Variants in SPON1 observed in about 807,000 individuals in gnomAD.
The protein encoded by SPON1 is spondin-1.
SPON1 carries 52 observed loss-of-function variants against 111.7 expected under a neutral mutation model. The observed-to-expected ratio is 0.47, with a 90% confidence interval of 0.37 to 0.59. The LOEUF (loss-of-function observed/expected upper bound fraction) is 0.59, where lower values mean the gene tolerates loss of function less well. Ranked by LOEUF, SPON1 falls within the 20% of genes least tolerant of loss-of-function variation. The pLI, the probability that SPON1 is intolerant of heterozygous loss-of-function variation, is 0.00. For synonymous variants in SPON1, 410 were observed against 395.8 expected (o/e 1.04, Z -0.43); for missense variants, 957 against 1,068.5 (o/e 0.90, Z 1.46).
Position 14,259,681 on chromosome 11 carries a change from A to C in SPON1, c.1811A>C (p.Lys604Thr), listed in dbSNP as rs1554941711. 6.4e-7 allele frequency: 1 copy of C among 1,574,352 alleles called. No individual in the cohort carries two copies. The highest frequency in any genetic ancestry group is 1.9e-5 in the Admixed American group (1 of 54,018). The change falls in exon 13 of 16, where the codon AAG (lysine) becomes ACG (threonine). Residue 604 changes from lysine (K) to threonine (T), a missense_variant. By Grantham distance (78) the Lys-to-Thr change is moderately conservative (BLOSUM62 -1). Transcript: ENST00000576479. This position sits in a 1 kb window ranked among gnomAD's most constrained non-coding sequence, Gnocchi z 5.0. ...AAAGCCGAGACATCACAGGCAGAGA[A>C]GTGCATGATGCCAGAGTGCCGTGAG... ...MCKAETSQAE[K>T]CMMPECHTIP...
chr11:14,136,153 A>C (rs1847589436), intron 6 of SPON1, among the ~76,000 whole-genome samples: 1 of 152,208 alleles, frequency 6.6e-6, no homozygotes, highest in Non-Finnish European at 1.5e-5. Context: ...TTTGGCTGAC[A>C]GTGCCATCGT....
chr11:14,045,368 G>A (rs577321250), intron 3 of SPON1, among the ~76,000 whole-genome samples: 1 of 152,146 alleles, frequency 6.6e-6, no homozygotes, highest in African/African-American at 2.4e-5. Context: ...CCTGAGGTCG[G>A]GAGTTCGAGA....
intron 7 of SPON1, among the ~76,000 whole-genome samples, chr11:14,252,156 G>GTACA (rs1554940722): frequency 1.3e-5 from 2 of 152,234 alleles, no homozygotes; most frequent in Non-Finnish European, 2.9e-5. Flanking sequence ...AGGTCCTGGG[G>GTACA]TACAGCTATG....
chr11:14,146,524 A>C (rs1847721080), intron 6 of SPON1, among the ~76,000 whole-genome samples: 1 of 151,998 alleles, frequency 6.6e-6, no homozygotes, highest in Admixed American at 6.6e-5. Context: ...ATTCCCCCCA[A>C]AAAAAATACT....
At chr11:14,131,578 A>G (rs923270989) in intron 5 of SPON1, among the ~76,000 whole-genome samples, 5 of 152,202 alleles carry the variant, frequency 3.3e-5, no homozygotes, top group Non-Finnish European at 5.9e-5. Flanking sequence ...CTGTAATAAT[A>G]CTGAGAGCTT....
intron 3 of SPON1, among the ~76,000 whole-genome samples, chr11:14,052,539 A>C (rs145658328): frequency 1.3e-5 from 2 of 152,354 alleles, no homozygotes; most frequent in East Asian, 3.9e-4. Flanking sequence ...GCAAGGAGTC[A>C]ACAGAAAAGG....
intron 5 of SPON1, among the ~76,000 whole-genome samples, chr11:14,096,064 C>T (rs1189576875): frequency 6.6e-6 from 1 of 152,206 alleles, no homozygotes; most frequent in African/African-American, 2.4e-5. Context: ...GCACCCAACA[C>T]TTGTGTCGTC....
At chr11:14,252,801 G>T (rs1479773693) in intron 7 of SPON1, among the ~76,000 whole-genome samples, 1 of 152,246 alleles carries the variant, frequency 6.6e-6, no homozygotes, top group East Asian at 1.9e-4. Flanking sequence ...AAAGATGAGT[G>T]GGCCCAGCAT....
At chr11:14,140,858 A>C (rs1181042977) in intron 6 of SPON1, among the ~76,000 whole-genome samples, 1 of 151,876 alleles carries the variant, frequency 6.6e-6, no homozygotes, top group Non-Finnish European at 1.5e-5. Context: ...ATACGTCTGG[A>C]CCCTGCACTA....
chr11:14,227,017 A>G (rs577594985), intron 6 of SPON1, among the ~76,000 whole-genome samples: 3 of 152,196 alleles, frequency 2.0e-5, no homozygotes, highest in Admixed American at 6.5e-5. Flanking sequence ...CTGATAATCC[A>G]GGACAATCTC....
intron 5 of SPON1, among the ~76,000 whole-genome samples, chr11:14,128,444 T>C (rs1847488027): frequency 6.6e-6 from 1 of 152,226 alleles, no homozygotes; most frequent in African/African-American, 2.4e-5. Flanking sequence ...CTGTGTCTCA[T>C]ATCCAGGCCA....
At chr11:14,264,249 G>C (rs1849231195) in intron 15 of SPON1, among the ~76,000 whole-genome samples, 1 of 152,136 alleles carries the variant, frequency 6.6e-6, no homozygotes, top group African/African-American at 2.4e-5. Flanking sequence ...TTTGGGACCT[G>C]ATTCTGTAGG....
chr11:14,064,509 G>T (rs187308574), intron 3 of SPON1, among the ~76,000 whole-genome samples: 2 of 152,190 alleles, frequency 1.3e-5, no homozygotes, highest in African/African-American at 4.8e-5. Context: ...CTTGGGGAGG[G>T]GGGTATCAGA....
chr11:14,139,709 A>AATATATATAT (rs57464043), intron 6 of SPON1, among the ~76,000 whole-genome samples: 1,699 of 145,396 alleles, frequency 0.012, 25 homozygotes, highest in East Asian at 0.041. Flanking sequence ...AAACATGTAA[A>AATATATATAT]ATATATATAT....
chr11:14,217,139 C>T (rs1267574993), intron 6 of SPON1, among the ~76,000 whole-genome samples: 2 of 152,120 alleles, frequency 1.3e-5, no homozygotes, highest in Admixed American at 6.6e-5. Flanking sequence ...TTTTTCATCC[C>T]ACTCCAAAGC....
chr11:14,172,001 A>G (rs1215795949), intron 6 of SPON1, among the ~76,000 whole-genome samples: 6 of 152,188 alleles, frequency 3.9e-5, no homozygotes, highest in African/African-American at 1.2e-4. Flanking sequence ...GTAGATGTCT[A>G]TTAGGTCCAC....
chr11:14,106,283 T>G (rs192539426), intron 5 of SPON1, among the ~76,000 whole-genome samples: 1 of 152,302 alleles, frequency 6.6e-6, no homozygotes. Flanking sequence ...AACTTTTCCT[T>G]TGTATGAAAA....
chr11:14,203,701 C>T (rs1848486757), intron 6 of SPON1, among the ~76,000 whole-genome samples: 1 of 152,144 alleles, frequency 6.6e-6, no homozygotes, highest in African/African-American at 2.4e-5. Context: ...AGATTCAGGC[C>T]TCAGAGAGGG....
rs782538962 is a variant in SPON1, at chr11:14,041,697, T to C, written c.479+43T>C. ...CCTTCCCTGCAGTTTATCAAAGACT[T>C]TGTGGTGTGATTGCAGGGAAAAAAA... On this transcript the variant is annotated intron_variant, in intron 3 of 15. Coordinates refer to ENST00000576479, the MANE Select transcript of SPON1 (RefSeq NM_006108.4). The C allele has an allele frequency of 1.1e-5, 17 of 1,598,652 alleles. No homozygotes were observed. In the South Asian group the frequency reaches 1.8e-4, roughly 17 times the overall value.
Sources: allele counts gnomAD v4.1 joint callset (sites outside exome capture counted in the v4.1 genomes callset), GRCh38; gene constraint gnomAD v4.1.1; non-coding constraint Gnocchi (gnomAD v3.1); transcripts MANE v1.5; gene names NCBI Gene and HGNC (gene_info 2026-07-23, HGNC 2026-07-21).